The following FSTL5 variants were observed in gnomAD, a reference collection of about 807,000 sequenced individuals.
FSTL5 encodes follistatin like 5.
FSTL5 carries 62 observed loss-of-function variants against 89.1 expected under a neutral mutation model. The ratio of observed to expected loss-of-function variants is 0.70; its 90% CI spans 0.57 to 0.86. The LOEUF (loss-of-function observed/expected upper bound fraction) is 0.86, where lower values mean the gene tolerates loss of function less well. Among genes scored for constraint, FSTL5 ranks in the 40% least tolerant of loss-of-function variants. FSTL5 has a pLI of 0.00. For synonymous variants in FSTL5, 383 were observed against 346.2 expected, an observed-to-expected ratio of 1.11 and a Z score of -1.18; for missense variants, 1,057 against 1,001.6, an observed-to-expected ratio of 1.06 and a Z score of -0.75.
chr4:161,703,843 T>C (rs1384323282), intron 6 of FSTL5, among the ~76,000 whole-genome samples: 3 of 152,202 alleles, frequency 2.0e-5, no homozygotes, highest in Non-Finnish European at 2.9e-5. Flanking sequence ...ATTCCATTTA[T>C]ATTTCATCTT....
intron 3 of FSTL5, among the ~76,000 whole-genome samples, chr4:162,027,277 C>T (rs1315933623): frequency 6.6e-6 from 1 of 152,034 alleles, no homozygotes; most frequent in Non-Finnish European, 1.5e-5. Context: ...TTATTACTTA[C>T]ATTGAGATCT....
At chr4:161,636,069 C>G (rs2126661494) in intron 7 of FSTL5, among the ~76,000 whole-genome samples, 1 of 145,664 alleles carries the variant, frequency 6.9e-6, no homozygotes, top group Admixed American at 6.9e-5. Flanking sequence ...CAATGTCTTC[C>G]AAAACTCTGG....
intron 4 of FSTL5, among the ~76,000 whole-genome samples, chr4:161,880,493 A>G (rs989718130): frequency 1.3e-5 from 2 of 152,058 alleles, no homozygotes; most frequent in Non-Finnish European, 2.9e-5. Flanking sequence ...AATAAATTAA[A>G]CTTACTATGA....
At position 161,721,308 on chromosome 4, in the gene FSTL5, A is replaced by T. The variant is rs867755181; in HGVS notation, c.727+38103T>A. On this transcript the variant is annotated intron_variant, in intron 6 of 15. Transcript: ENST00000306100. ...TCAAAAAAAAAAAAAAAAAAAAAAAATTTTTCTAAGAAGGTAGATCTTATG... is the reference window on the plus strand; with the variant it reads ...TCAAAAAAAAAAAAAAAAAAAAAAATTTTTTCTAAGAAGGTAGATCTTATG... 8.0e-3 allele frequency among the ~76,000 whole-genome samples: 1,097 copies of T among 137,562 alleles called. 14 individuals are homozygous for T. The highest frequency in any genetic ancestry group is 0.029 in the African/African-American group (1,038 of 36,188). The allele number at this position is 137,562 out of a possible 152,430, so 90.2% of individuals were successfully genotyped here.
In FSTL5 at chr4:161,498,617, G is replaced by C. The variant is rs749690241; in HGVS notation, c.1458+1399C>G. On this transcript the variant is annotated intron_variant, in intron 12 of 15. Transcript: ENST00000306100. ...TATAGCCAAGACATGTGTGTCGTTA[G>C]CTGCAAAACTGCTAGTCCTGTAGAA... Among the ~76,000 whole-genome samples, 90 of 152,072 alleles carry C rather than the reference G, an allele frequency of 5.9e-4. 1 individual carries two copies. The highest frequency in any genetic ancestry group is 9.2e-4 in the Admixed American group (14 of 15,256).
In FSTL5 at chr4:162,037,430, C is replaced by CT. The variant is rs534445705; in HGVS notation, c.127-3773dup. Among the ~76,000 whole-genome samples, 154 of 151,912 alleles carry CT rather than the reference C, an allele frequency of 1.0e-3. 1 individual carries two copies. The highest frequency in any genetic ancestry group is 3.3e-3 in the African/African-American group (136 of 41,526). Reference sequence around the variant, plus strand: ...GATGGAGAAGATTTTAAGTGCATGGCTTTTTGCGAGAGTAGGTGAGAAGAA... The same window carrying CT: ...GATGGAGAAGATTTTAAGTGCATGGCTTTTTTGCGAGAGTAGGTGAGAAGAA... On this transcript the variant is annotated intron_variant, in intron 2 of 15. Transcript: ENST00000306100.
chr4:161,938,419 A>G (rs1734490280), intron 3 of FSTL5, among the ~76,000 whole-genome samples: 1 of 152,134 alleles, frequency 6.6e-6, no homozygotes, highest in Non-Finnish European at 1.5e-5. Context: ...GATGTATGCC[A>G]TTTAAAAGTT....
intron 7 of FSTL5, among the ~76,000 whole-genome samples, chr4:161,639,189 A>T (rs1368984609): frequency 6.8e-6 from 1 of 147,308 alleles, no homozygotes; most frequent in Non-Finnish European, 1.5e-5. Flanking sequence ...CTTAGTTCTG[A>T]AAAAAAAAAT....
intron 12 of FSTL5, among the ~76,000 whole-genome samples, chr4:161,487,731 C>A (rs1036207200): frequency 1.9e-4 from 29 of 151,862 alleles, no homozygotes; most frequent in Non-Finnish European, 2.9e-5. Flanking sequence ...TTTAACCGAA[C>A]CTGTCACAAT....
At chr4:162,112,849 G>A (rs139029311) in intron 1 of FSTL5, among the ~76,000 whole-genome samples, 215 of 150,406 alleles carry the variant, frequency 1.4e-3, no homozygotes, top group African/African-American at 5.1e-3. Flanking sequence ...CTTACAAGAC[G>A]TATGGTGGCC....
At chr4:161,758,061 G>A (rs1043806551) in intron 6 of FSTL5, among the ~76,000 whole-genome samples, 11 of 151,988 alleles carry the variant, frequency 7.2e-5, no homozygotes, top group African/African-American at 2.4e-4. Flanking sequence ...TATCCAAAGA[G>A]CGTATTTTTA....
intron 6 of FSTL5, among the ~76,000 whole-genome samples, chr4:161,681,438 C>T (rs941076089): frequency 2.6e-5 from 4 of 151,800 alleles, no homozygotes; most frequent in African/African-American, 9.7e-5. Flanking sequence ...GGTTATTTTC[C>T]ATGATTGTCA....
At chr4:161,799,945 C>T (rs570824992) in intron 4 of FSTL5, among the ~76,000 whole-genome samples, 2 of 151,568 alleles carry the variant, frequency 1.3e-5, no homozygotes, top group African/African-American at 4.8e-5. Context: ...ACATAACATG[C>T]GGGGCATCTG....
chr4:161,701,538 A>G (rs1738392482), intron 6 of FSTL5, among the ~76,000 whole-genome samples: 1 of 152,046 alleles, frequency 6.6e-6, no homozygotes, highest in Non-Finnish European at 1.5e-5. Flanking sequence ...AAACCAGTTA[A>G]CCACATTTTT....
chr4:161,712,625 T>C (rs1738829744), intron 6 of FSTL5, among the ~76,000 whole-genome samples: 1 of 152,140 alleles, frequency 6.6e-6, no homozygotes, highest in African/African-American at 2.4e-5. Context: ...TGTTTTCTCC[T>C]TCAACATTGG....
chr4:161,459,241 T>C lies in FSTL5; in HGVS notation c.1687A>G (p.Thr563Ala). The C allele has an allele frequency of 6.2e-7, 1 of 1,611,800 alleles. No individual in the cohort carries two copies. Among genetic ancestry groups the C allele is most frequent in the Non-Finnish European group, 8.5e-7 (1 of 1,177,986 alleles). Residue 563 changes from threonine to alanine, a missense_variant, in exon 14 of 16, where the codon ACC becomes GCC. Transcript: ENST00000306100. Reference sequence around the variant, plus strand: ...AGTGTTGGTGATGTCTTCTCCAAGGTACCCCAGCTTAGCACCCAGACCTGA... The same window carrying C: ...AGTGTTGGTGATGTCTTCTCCAAGGCACCCCAGCTTAGCACCCAGACCTGA... ...HDQVWVLSWG[T>A]LEKTSPTLQV... is the part of the protein sequence containing the mutation.
intron 2 of FSTL5, among the ~76,000 whole-genome samples, chr4:162,105,343 A>C (rs1731181980): frequency 6.6e-6 from 1 of 152,186 alleles, no homozygotes; most frequent in Non-Finnish European, 1.5e-5. Context: ...CATAACTGAA[A>C]CTTTTACAAA....
intron 6 of FSTL5, among the ~76,000 whole-genome samples, chr4:161,668,739 A>G (rs1736981776): frequency 6.6e-6 from 1 of 152,230 alleles, no homozygotes; most frequent in African/African-American, 2.4e-5. Flanking sequence ...TGTACTCATC[A>G]CATCAACAAG....
At chr4:161,788,044 G>C (rs931713884) in intron 4 of FSTL5, among the ~76,000 whole-genome samples, 11 of 152,284 alleles carry the variant, frequency 7.2e-5, no homozygotes, top group African/African-American at 2.6e-4. Flanking sequence ...ATAAACAGCA[G>C]AGGATAATTA....
Sources: gnomAD v4.1 joint callset for allele counts (sites outside exome capture counted in the v4.1 genomes callset) on GRCh38, gnomAD v4.1.1 for gene constraint, MANE v1.5 for transcripts, NCBI Gene and HGNC (gene_info 2026-07-23, HGNC 2026-07-21) for gene names.